The following NDUFA9 variants were observed in gnomAD, a reference collection of about 807,000 sequenced individuals.
NDUFA9 encodes NADH:ubiquinone oxidoreductase subunit A9.
Under a neutral mutation model 45.9 loss-of-function variants are expected in NDUFA9, and 23 were observed. The ratio of observed to expected loss-of-function variants is 0.50; its 90% confidence interval spans 0.36 to 0.71. The LOEUF is 0.71. Ranked by LOEUF, NDUFA9 falls within the 30% of genes least tolerant of loss-of-function variation. NDUFA9 has a pLI of 0.00. For synonymous variants in NDUFA9, 176 were observed against 170.5 expected (o/e 1.03, Z -0.25); for missense variants, 466 against 488.2 (o/e 0.95, Z 0.43).
In NDUFA9 at chr12:4,694,024, A is replaced by C. The variant is rs897984722; in HGVS notation, c.*6916A>C. ...TCCCATTGTACTTCAGTGGAAAACTATGCATTGTCTGGAATCTAGACTCTG... is the reference window on the plus strand; with the variant it reads ...TCCCATTGTACTTCAGTGGAAAACTCTGCATTGTCTGGAATCTAGACTCTG... On this transcript the variant is annotated 3_prime_UTR_variant, in exon 11 of 11. Coordinates refer to ENST00000266544, the MANE Select transcript of NDUFA9 (RefSeq NM_005002.5). 2 of 152,140 alleles carry C rather than the reference A, an allele frequency of 1.3e-5. No homozygotes were observed. Among genetic ancestry groups the C allele is most frequent in the African/African-American group, 4.8e-5 (2 of 41,416 alleles). 9.4% of individuals were successfully genotyped at this position (152,140 alleles called of 1,614,324 possible).
intron 9 of NDUFA9, 52 bp downstream of exon 9, chr12:4,682,352 C>G (rs970536220): frequency 1.5e-6 from 2 of 1,360,094 alleles, no homozygotes; most frequent in Non-Finnish European, 2.1e-6. Context: ...GCTCCACACA[C>G]TTGTTCCTAA....
At chr12:4,666,653 G>A (rs1195810291) in intron 6 of NDUFA9, among the ~76,000 whole-genome samples, 1 of 152,076 alleles carries the variant, frequency 6.6e-6, no homozygotes, top group African/African-American at 2.4e-5. Flanking sequence ...AATGGTCTTG[G>A]TGCTTTTGTC....
chr12:4,676,063 G>A (rs1167209227), intron 8 of NDUFA9, among the ~76,000 whole-genome samples: 1 of 152,186 alleles, frequency 6.6e-6, no homozygotes, highest in Non-Finnish European at 1.5e-5. Flanking sequence ...TTCAATAGAT[G>A]CAGAAGGCCT....
At chr12:4,657,915 A>G (rs1945801241) in intron 4 of NDUFA9, 76 bp downstream of exon 4, 3 of 1,111,600 alleles carry the variant, frequency 2.7e-6, no homozygotes, top group Admixed American at 1.7e-5. Flanking sequence ...GGCACCTTTT[A>G]TGTGCCAGCT....
chr12:4,657,263 T>C (rs1324476827), intron 3 of NDUFA9: 2 of 152,562 alleles, frequency 1.3e-5, no homozygotes, highest in African/African-American at 4.8e-5. Flanking sequence ...TAAAAAGAAA[T>C]AAGAAAATAG....
At position 4,690,830 on chromosome 12, in the gene NDUFA9, A is replaced by G. The variant is rs1199829996; in HGVS notation, c.*3722A>G. ...GGAAGGATTAGCAAAAACTCCATAG[A>G]AAACGGATTTTTAAAGCTGCATCTT... On this transcript the variant is annotated 3_prime_UTR_variant, in exon 11 of 11. Coordinates refer to ENST00000266544, the MANE Select transcript of NDUFA9 (RefSeq NM_005002.5). 1 of 152,232 alleles carries G rather than the reference A, an allele frequency of 6.6e-6. No individual in the cohort carries two copies. Among genetic ancestry groups the G allele is most frequent in the Non-Finnish European group, 1.5e-5 (1 of 68,040 alleles). The allele number at this position is 152,232 out of a possible 1,614,324, so 9.4% of individuals were successfully genotyped here. A position where few individuals can be genotyped will look rare whatever the true frequency, so the allele number is the denominator to read the frequency against.
Position 4,688,530 on chromosome 12 carries a change from G to A in NDUFA9, c.*1422G>A, listed in dbSNP as rs1233144827. 2 of 150,668 alleles carry A rather than the reference G, an allele frequency of 1.3e-5. No homozygotes were observed. The highest frequency in any genetic ancestry group is 2.9e-5 in the Non-Finnish European group (2 of 67,928). The allele number at this position is 150,668 out of a possible 1,614,324, so 9.3% of individuals were successfully genotyped here. A position where few individuals can be genotyped will look rare whatever the true frequency, so the allele number is the denominator to read the frequency against. Reference sequence around the variant, plus strand: ...TCCTAGGTTTTGTCCTGTCCCAGGCGTGTTGAATCAGAATCTGCATTTTAG... The same window carrying A: ...TCCTAGGTTTTGTCCTGTCCCAGGCATGTTGAATCAGAATCTGCATTTTAG... On this transcript the variant is annotated 3_prime_UTR_variant, in exon 11 of 11. Transcript: ENST00000266544.
intron 8 of NDUFA9, among the ~76,000 whole-genome samples, chr12:4,680,388 A>T (rs4766273): frequency 0.16 from 24,002 of 152,010 alleles, 2,039 homozygotes; most frequent in Middle Eastern, 0.21. Context: ...GGCCTGGGAG[A>T]CAAGATTTTG....
rs1192361557 is a variant in NDUFA9 at position 4,694,053 on chromosome 12, A to C, written c.*6945A>C. 6.6e-6 allele frequency: 1 copy of C among 152,244 alleles called. No homozygotes were observed. The allele number at this position is 152,244 out of a possible 1,614,324, so 9.4% of individuals were successfully genotyped here. A position where few individuals can be genotyped will look rare whatever the true frequency, so the allele number is the denominator to read the frequency against. On this transcript the variant is annotated 3_prime_UTR_variant, in exon 11 of 11. Transcript: ENST00000266544. ...ATTGTCTGGAATCTAGACTCTGGAC[A>C]AAGACCCTTCCTTCCTGGCTGTTTG...
intron 10 of NDUFA9, among the ~76,000 whole-genome samples, 196 bp downstream of exon 10, chr12:4,685,521 A>G (rs1945980590): frequency 6.6e-6 from 1 of 152,026 alleles, no homozygotes; most frequent in Admixed American, 6.6e-5. Context: ...TCTGTCCGTC[A>G]TTATCAGTGT....
chr12:4,682,846 T>A (rs1237352531), intron 9 of NDUFA9, among the ~76,000 whole-genome samples: 1 of 152,160 alleles, frequency 6.6e-6, no homozygotes, highest in South Asian at 2.1e-4. Context: ...GAGGGCAGAT[T>A]GCTTGAGCCC....
At chr12:4,667,170 C>T (rs1021619927) in intron 6 of NDUFA9, among the ~76,000 whole-genome samples, 6 of 152,124 alleles carry the variant, frequency 3.9e-5, no homozygotes, top group Non-Finnish European at 7.3e-5. Flanking sequence ...CCCCACATGG[C>T]AGAAGAGGAG....
In NDUFA9 at chr12:4,690,469, C is replaced by G. The variant is rs1946013168; in HGVS notation, c.*3361C>G. Reference sequence around the variant, plus strand: ...CCTGTAATCCCAGCACTTTGGGAGGCTGATGGGGGTGGATCATGAGGTTAG... The same window carrying G: ...CCTGTAATCCCAGCACTTTGGGAGGGTGATGGGGGTGGATCATGAGGTTAG... On this transcript the variant is annotated 3_prime_UTR_variant, in exon 11 of 11. Transcript: ENST00000266544. The G allele has an allele frequency of 6.6e-6, 1 of 152,192 alleles. No individual in the cohort carries two copies. The highest frequency in any genetic ancestry group is 6.5e-5 in the Admixed American group (1 of 15,270). 9.4% of individuals were successfully genotyped at this position (152,192 alleles called of 1,614,324 possible).
Position 4,679,671 on chromosome 12 carries a change from A to G in NDUFA9, c.801-2534A>G, listed in dbSNP as rs551283219. Among the ~76,000 whole-genome samples, 483 of 152,290 alleles carry G rather than the reference A, an allele frequency of 3.2e-3. 1 individual carries two copies. Among genetic ancestry groups the G allele is most frequent in the Non-Finnish European group, 6.1e-3 (414 of 68,010 alleles). Reference sequence around the variant, plus strand: ...GCAAAGGGCAGATTGGATTGCAGTGAGATTTGAATGGCAGGATAGGAAGTG... The same window carrying G: ...GCAAAGGGCAGATTGGATTGCAGTGGGATTTGAATGGCAGGATAGGAAGTG... On this transcript the variant is annotated intron_variant, in intron 8 of 10. Coordinates refer to ENST00000266544, the MANE Select transcript of NDUFA9 (RefSeq NM_005002.5).
Position 4,654,930 on chromosome 12 carries a change from C to A in NDUFA9, c.318+8C>A. ...GGCCAGCTTCTGTTTCTGGTAAGGG[C>A]CTTTATGACTGAATGAAGTTGACAA... On this transcript the variant is annotated splice_region_variant and intron_variant, in intron 3 of 10. Transcript: ENST00000266544. 16 of 1,600,832 alleles carry A rather than the reference C, an allele frequency of 1.0e-5. No homozygotes were observed. Among genetic ancestry groups the A allele is most frequent in the Non-Finnish European group, 1.3e-5 (15 of 1,170,646 alleles).
At chr12:4,674,395 G>A (rs1267596372) in intron 8 of NDUFA9, among the ~76,000 whole-genome samples, 4 of 152,116 alleles carry the variant, frequency 2.6e-5, no homozygotes, top group African/African-American at 9.7e-5. Context: ...TGGAGAAAGG[G>A]TCAAGACTCA....
At chr12:4,677,296 C>G (rs921409940) in intron 8 of NDUFA9, among the ~76,000 whole-genome samples, 1 of 152,136 alleles carries the variant, frequency 6.6e-6, no homozygotes, top group African/African-American at 2.4e-5. Context: ...CCAAAATAGA[C>G]AAATGGGATC....
At chr12:4,686,913 T>C in intron 10 of NDUFA9, 25 bp from the exon 11 acceptor site, 1 of 1,609,734 alleles carries the variant, frequency 6.2e-7, no homozygotes, top group Non-Finnish European at 8.5e-7. Flanking sequence ...TTCAGCATTG[T>C]CTGTGGTCCT....
In NDUFA9 at chr12:4,654,310, T is replaced by C. The variant is rs1194127380; in HGVS notation, c.68T>C (p.Ile23Thr). 2.3e-5 allele frequency: 37 copies of C among 1,613,810 alleles called. No homozygotes were observed. The highest frequency in any genetic ancestry group is 3.1e-5 in the Non-Finnish European group (36 of 1,179,870). Residue 23 changes from isoleucine (I) to threonine (T), a missense_variant, in exon 2 of 11, where the codon ATA (isoleucine) becomes ACA (threonine). Coordinates refer to ENST00000266544, the MANE Select transcript of NDUFA9 (RefSeq NM_005002.5). ...LSMSRSAITA[I>T]ATSVCHGPPC... ...GTTTAAGGTTCTGCCATTACTGCAA[T>C]AGCCACATCTGTGTGTCACGGCCCA...
Sources: allele counts gnomAD v4.1 joint callset (sites outside exome capture counted in the v4.1 genomes callset), GRCh38; gene constraint gnomAD v4.1.1; transcripts MANE v1.5; gene names NCBI Gene and HGNC (gene_info 2026-07-23, HGNC 2026-07-21).